SLC36A1: variants seen among roughly 807,000 people sequenced by gnomAD.
SLC36A1 encodes the protein solute carrier family 36 member 1.
SLC36A1 carries 30 observed loss-of-function variants against 47.5 expected under a neutral mutation model. That is an observed-to-expected ratio of 0.63 (90% CI 0.47 to 0.86). The LOEUF (loss-of-function observed/expected upper bound fraction) is 0.86. SLC36A1 is among the 40% of genes least tolerant of loss of function. The pLI is 0.00. For missense variants in SLC36A1, 517 were observed against 606.0 expected, an observed-to-expected ratio of 0.85 and a Z score of 1.54; for synonymous variants, 255 against 249.7, an observed-to-expected ratio of 1.02 and a Z score of -0.20.
At chr5:151,484,461 C>T (rs551082563) in intron 10 of SLC36A1, among the ~76,000 whole-genome samples, 2 of 152,314 alleles carry the variant, frequency 1.3e-5, no homozygotes, top group East Asian at 1.9e-4. Context: ...TCAGGCAGGA[C>T]GTGGTGCTTC....
the SLC36A1 span, among the ~76,000 whole-genome samples, chr5:151,421,215 T>TCCTTCCTTCCTTCCTTCCTTCCTC: frequency 1.1e-4 from 16 of 142,750 alleles, no homozygotes; most frequent in East Asian, 3.5e-3. Flanking sequence ...CTTCCTTCCT[T>TCCTTCCTTCCTTCCTTCCTTCCTC]CCTCCCTTTC....
the SLC36A1 span, chr5:151,507,155 C>A: frequency 6.3e-7 from 1 of 1,575,840 alleles, no homozygotes; most frequent in Non-Finnish European, 8.6e-7. Context: ...TATACTGACC[C>A]ATCTCCTCGC....
chr5:151,349,853 G>A, the SLC36A1 span, among the ~76,000 whole-genome samples: 2 of 150,818 alleles, frequency 1.3e-5, no homozygotes, highest in African/African-American at 2.4e-5. Context: ...TGTTGAAGTA[G>A]GATAGAATCT....
chr5:151,398,118 AAAG>A, the SLC36A1 span, among the ~76,000 whole-genome samples: 1 of 152,210 alleles, frequency 6.6e-6, no homozygotes, highest in Non-Finnish European at 1.5e-5. Context: ...ACCTGTCTCA[AAAG>A]AAAAAATTAT....
the SLC36A1 span, chr5:151,543,130 C>G: frequency 6.2e-7 from 1 of 1,614,062 alleles, no homozygotes. Flanking sequence ...AGGAGGGCCT[C>G]CATCTTGGGC....
At chr5:151,461,857 A>T (rs1430079076) in intron 2 of SLC36A1, among the ~76,000 whole-genome samples, 1 of 152,208 alleles carries the variant, frequency 6.6e-6, no homozygotes, top group Non-Finnish European at 1.5e-5. Context: ...TGTGTGGCAA[A>T]ATGGGAAGTA....
chr5:151,522,861 G>A, the SLC36A1 span, among the ~76,000 whole-genome samples: 2 of 152,212 alleles, frequency 1.3e-5, no homozygotes, highest in Non-Finnish European at 1.5e-5. Flanking sequence ...CCTCACTGAT[G>A]GGCTGGCACG....
the SLC36A1 span, among the ~76,000 whole-genome samples, chr5:151,377,379 C>T: frequency 8.7e-5 from 10 of 115,438 alleles, no homozygotes; most frequent in South Asian, 3.0e-4. Flanking sequence ...GACGGAGTTT[C>T]GCTCTGTCGC....
chr5:151,526,091 A>C, the SLC36A1 span: 2 of 902,294 alleles, frequency 2.2e-6, no homozygotes, highest in Admixed American at 4.2e-5. Flanking sequence ...TGGTGCCTGG[A>C]CATCAAGCTG....
At chr5:151,380,759 CA>C in the SLC36A1 span, 1 of 539,044 alleles carries the variant, frequency 1.9e-6, no homozygotes, top group African/African-American at 1.9e-5. Flanking sequence ...CCCTTGCAGA[CA>C]GATGGTGGAC....
chr5:151,550,931 C>A, the SLC36A1 span: 2 of 1,505,882 alleles, frequency 1.3e-6, no homozygotes, highest in South Asian at 1.2e-5. Flanking sequence ...GGGACTGGGT[C>A]TGTCTGGACC....
the SLC36A1 span, among the ~76,000 whole-genome samples, chr5:151,547,575 A>C: frequency 6.6e-6 from 1 of 152,204 alleles, no homozygotes. Flanking sequence ...TTTCAATCTG[A>C]TTCTTCCACC....
intron 7 of SLC36A1, among the ~76,000 whole-genome samples, chr5:151,468,285 ATATATATATTTTAT>A (rs1437298347): frequency 9.8e-6 from 1 of 102,202 alleles, no homozygotes; most frequent in Non-Finnish European, 2.0e-5. Context: ...ATATATATAT[ATATATATATTTTAT>A]ATATATATAT....
the SLC36A1 span, chr5:151,545,524 G>A: frequency 6.2e-7 from 1 of 1,614,164 alleles, no homozygotes; most frequent in Non-Finnish European, 8.5e-7. Context: ...TCTGGGAGGG[G>A]AATCATTCAC....
chr5:151,476,492 G>A lies in SLC36A1; in HGVS notation c.823-98G>A, dbSNP rs987574380. 10 of 952,028 alleles carry A rather than the reference G, an allele frequency of 1.1e-5. 1 individual carries two copies. The highest frequency in any genetic ancestry group is 1.4e-5 in the Non-Finnish European group (9 of 640,780). 59.0% of individuals were successfully genotyped at this position (952,028 alleles called of 1,614,324 possible). A position where few individuals can be genotyped will look rare whatever the true frequency, so the allele number is the denominator to read the frequency against. ...AGATGTGCTTCTGGAGAATTCTGGG[G>A]ATAAAAGAGTTACTTTTTTTCTGAG... On this transcript the variant is annotated intron_variant, in intron 8 of 10. Transcript: ENST00000243389.
the SLC36A1 span, among the ~76,000 whole-genome samples, chr5:151,427,141 A>T: frequency 8.5e-5 from 13 of 152,144 alleles, no homozygotes; most frequent in African/African-American, 2.9e-4. Flanking sequence ...TTTACCCCAC[A>T]GTATCATGGC....
the SLC36A1 span, chr5:151,512,118 G>A: frequency 3.8e-6 from 6 of 1,561,098 alleles, no homozygotes; most frequent in African/African-American, 5.4e-5. The surrounding 1 kb of genome is among the most constrained non-coding windows in gnomAD (Gnocchi z 4.1). Context: ...CACCTGAAGA[G>A]CCTTCTGGGA....
the SLC36A1 span, chr5:151,527,444 A>C: frequency 7.0e-7 from 1 of 1,428,572 alleles, no homozygotes. Flanking sequence ...CCCCTGAGTC[A>C]TCACTAATAT....
chr5:151,554,333 C>T, the SLC36A1 span: 1 of 1,590,448 alleles, frequency 6.3e-7, no homozygotes, highest in Non-Finnish European at 8.6e-7. Flanking sequence ...TGCCACTCCT[C>T]CCTCCGTGGC....
Sources: gnomAD v4.1 joint callset for allele counts (sites outside exome capture counted in the v4.1 genomes callset) on GRCh38, gnomAD v4.1.1 for gene constraint, Gnocchi (gnomAD v3.1) non-coding constraint, MANE v1.5 for transcripts, NCBI Gene and HGNC (gene_info 2026-07-23, HGNC 2026-07-21) for gene names.